TCF7L1: variants seen among roughly 807,000 people sequenced by gnomAD.
TCF7L1 encodes the protein transcription factor 7-like 1.
TCF7L1 carries 18 observed loss-of-function variants against 63.7 expected under a neutral mutation model. That is an observed-to-expected ratio of 0.28 (90% CI 0.20 to 0.42). The LOEUF is 0.42. Among genes scored for constraint, TCF7L1 ranks in the 10% least tolerant of loss-of-function variants. The pLI is 1.00. For synonymous variants in TCF7L1, 355 were observed against 340.9 expected (o/e 1.04, Z -0.46); for missense variants, 654 against 779.3 (o/e 0.84, Z 1.91).
intron 3 of TCF7L1, among the ~76,000 whole-genome samples, chr2:85,250,402 A>G (rs976924774): frequency 3.3e-5 from 5 of 152,106 alleles, no homozygotes; most frequent in Admixed American, 2.6e-4. Flanking sequence ...GCACTCGGTA[A>G]TATATTAAAT....
chr2:85,159,292 G>T (rs899761790), intron 3 of TCF7L1, among the ~76,000 whole-genome samples: 1 of 152,048 alleles, frequency 6.6e-6, no homozygotes, highest in Non-Finnish European at 1.5e-5. Context: ...GTGCCCAGGC[G>T]CCCGGGGCTC....
intron 3 of TCF7L1, among the ~76,000 whole-genome samples, chr2:85,241,216 T>G (rs1162882030): frequency 2.6e-5 from 4 of 152,230 alleles, no homozygotes; most frequent in African/African-American, 9.6e-5. Flanking sequence ...AGCTCAGCAG[T>G]TTTTGCTCTC....
intron 3 of TCF7L1, among the ~76,000 whole-genome samples, chr2:85,224,785 TA>T (rs1327902568): frequency 6.6e-6 from 1 of 152,230 alleles, no homozygotes; most frequent in African/African-American, 2.4e-5. Flanking sequence ...GCTCTTTAAT[TA>T]GATCCCATTT....
intron 3 of TCF7L1, among the ~76,000 whole-genome samples, chr2:85,219,904 A>G (rs1021477261): frequency 1.3e-5 from 2 of 152,220 alleles, no homozygotes; most frequent in Admixed American, 6.5e-5. Context: ...CTGACTTTCA[A>G]ATGGTTCTGC....
intron 3 of TCF7L1, among the ~76,000 whole-genome samples, chr2:85,178,864 C>A (rs1274579783): frequency 6.6e-6 from 1 of 152,146 alleles, no homozygotes; most frequent in Non-Finnish European, 1.5e-5. Context: ...TTTGGAGCCT[C>A]AGCCAACCCC....
chr2:85,266,478 G>A (rs1680973458), intron 3 of TCF7L1, among the ~76,000 whole-genome samples: 1 of 152,234 alleles, frequency 6.6e-6, no homozygotes. Context: ...AAATGGGAGT[G>A]GAACCCAGAG....
At chr2:85,228,581 G>GTTT (rs1680006823) in intron 3 of TCF7L1, among the ~76,000 whole-genome samples, 1 of 152,190 alleles carries the variant, frequency 6.6e-6, no homozygotes, top group Non-Finnish European at 1.5e-5. Flanking sequence ...TCCCTGCAAA[G>GTTT]TATGCCACCT....
intron 4 of TCF7L1, among the ~76,000 whole-genome samples, chr2:85,296,585 T>TG (rs1681843357): frequency 6.6e-6 from 1 of 152,240 alleles, no homozygotes; most frequent in Non-Finnish European, 1.5e-5. Context: ...TCCAAGGCTA[T>TG]GCCAATGCCC....
chr2:85,273,163 C>T (rs1304308089), intron 3 of TCF7L1, among the ~76,000 whole-genome samples: 1 of 152,208 alleles, frequency 6.6e-6, no homozygotes, highest in African/African-American at 2.4e-5. Context: ...CCACCTCCTC[C>T]TCACTCACAA....
Position 85,302,560 on chromosome 2 carries a change from A to G in TCF7L1, c.602A>G (p.His201Arg). ...CCCCTCATCACCTACAGCAATGACC[A>G]CTTCTCCCCCGGCTCCCCTCCCACC... ...LTPLITYSND[H>R]FSPGSPPTHL... Residue 201 changes from histidine (H) to arginine (R), a missense_variant, in exon 5 of 12, where the codon CAC becomes CGC. His to Arg is a conservative substitution (Grantham distance 29). This residue lies in a region of TCF7L1 where 404 missense variants were observed against 454.8 expected (regional missense o/e 0.89). Coordinates refer to ENST00000282111, the MANE Select transcript of TCF7L1 (RefSeq NM_031283.3). 3 of 1,613,990 alleles carry G rather than the reference A, an allele frequency of 1.9e-6. No homozygotes were observed. Among genetic ancestry groups the G allele is most frequent in the East Asian group, 4.5e-5 (2 of 44,874 alleles).
At chr2:85,291,906 A>C (rs894095664) in intron 4 of TCF7L1, among the ~76,000 whole-genome samples, 1 of 149,486 alleles carries the variant, frequency 6.7e-6, no homozygotes, top group African/African-American at 2.4e-5. Flanking sequence ...GGGTTCCACT[A>C]TATGGCCCAA....
At chr2:85,259,275 G>A (rs564639734) in intron 3 of TCF7L1, among the ~76,000 whole-genome samples, 100 of 152,298 alleles carry the variant, frequency 6.6e-4, no homozygotes, top group African/African-American at 2.3e-3. Flanking sequence ...GCCAATCCCC[G>A]TGTAAACATA....
chr2:85,180,633 A>G (rs138848439), intron 3 of TCF7L1, among the ~76,000 whole-genome samples: 1 of 152,266 alleles, frequency 6.6e-6, no homozygotes, highest in Non-Finnish European at 1.5e-5. Context: ...CACGTTCTTC[A>G]GAGGCTAGTG....
At position 85,230,375 on chromosome 2, in the gene TCF7L1, C is replaced by T. The variant is rs537778893; in HGVS notation, c.442-53120C>T. On this transcript the variant is annotated intron_variant, in intron 3 of 11. Coordinates refer to ENST00000282111, the MANE Select transcript of TCF7L1 (RefSeq NM_031283.3). ...TGAGACAGAGTTTCACTCTTGTTGC[C>T]CAGGCTGGAGTGCAATGGTGTGATC... Among the ~76,000 whole-genome samples the T allele has an allele frequency of 2.6e-5, 4 of 152,122 alleles. No individual in the cohort carries two copies. The South Asian group carries it at 8.3e-4, about 32-fold the overall frequency.
intron 3 of TCF7L1, chr2:85,233,164 G>T (rs916963398): frequency 6.6e-5 from 10 of 152,026 alleles, no homozygotes; most frequent in African/African-American, 2.4e-4. Flanking sequence ...GAACTCCTGG[G>T]CTCAAGAGAT....
Position 85,289,094 on chromosome 2 carries a change from CT to C in TCF7L1, c.525+5523del, listed in dbSNP as rs557036383. Among the ~76,000 whole-genome samples the C allele has an allele frequency of 3.9e-5, 6 of 152,164 alleles. No homozygotes were observed. In the East Asian group the frequency reaches 1.2e-3, roughly 29 times the overall value. ...GAACTGTTTTTTAATTTTAAAAAATCTTTTTTTGAAACCGTAAAAGTAATGC... is the reference window on the plus strand; with the variant it reads ...GAACTGTTTTTTAATTTTAAAAAATCTTTTTTGAAACCGTAAAAGTAATGC... On this transcript the variant is annotated intron_variant, in intron 4 of 11. Transcript: ENST00000282111.
rs532709947 is a variant in TCF7L1, at chr2:85,306,759, G to A, written c.1257+200G>A. On this transcript the variant is annotated intron_variant, in intron 10 of 11. Coordinates refer to ENST00000282111, the MANE Select transcript of TCF7L1 (RefSeq NM_031283.3). This position sits in a 1 kb window ranked among gnomAD's most constrained non-coding sequence, Gnocchi z 4.3. The stretch of plus-strand genomic sequence containing the variant: ...GGCTCACTGCAAGCTCCGCCTCCCC[G>A]GTTCACACCATTCTCCTGTCTCAGC... Among the ~76,000 whole-genome samples the A allele has an allele frequency of 4.1e-4, 63 of 152,242 alleles. No homozygotes were observed. Among genetic ancestry groups the A allele is most frequent in the East Asian group, 9.7e-4 (5 of 5,176 alleles).
chr2:85,273,575 T>G (rs1681203202), intron 3 of TCF7L1, among the ~76,000 whole-genome samples: 1 of 152,218 alleles, frequency 6.6e-6, no homozygotes, highest in African/African-American at 2.4e-5. Flanking sequence ...CAGTGTCAAC[T>G]GGGAGAAATT....
chr2:85,180,435 C>A (rs1314158103), intron 3 of TCF7L1, among the ~76,000 whole-genome samples: 2 of 151,940 alleles, frequency 1.3e-5, no homozygotes, highest in Admixed American at 1.3e-4. Context: ...ACCTGCCTGA[C>A]CCTCAGCCAT....
Sources: allele counts gnomAD v4.1 joint callset (sites outside exome capture counted in the v4.1 genomes callset), GRCh38; gene constraint gnomAD v4.1.1; regional missense constraint gnomAD v4.1.1; non-coding constraint Gnocchi (gnomAD v3.1); transcripts MANE v1.5; gene names NCBI Gene and HGNC (gene_info 2026-07-23, HGNC 2026-07-21).